IL27RA: variants seen among roughly 807,000 people sequenced by gnomAD.
IL27RA encodes the protein interleukin 27 receptor subunit alpha.
Under a neutral mutation model 80.8 loss-of-function variants are expected in IL27RA, and 61 were observed. The observed-to-expected ratio is 0.76, with a 90% CI of 0.61 to 0.93. IL27RA has a LOEUF of 0.93. Among genes scored for constraint, IL27RA ranks in the 40% least tolerant of loss-of-function variants. The probability of loss-of-function intolerance (pLI) is 0.00; values close to 1 mark genes in which losing one functional copy is unlikely to be tolerated. For synonymous variants in IL27RA, 316 were observed against 332.5 expected (o/e 0.95, Z 0.54); for missense variants, 735 against 808.1 (o/e 0.91, Z 1.10).
At chr19:14,038,490 A>C (rs756437071) in intron 2 of IL27RA, among the ~76,000 whole-genome samples, 9 of 146,582 alleles carry the variant, frequency 6.1e-5, no homozygotes, top group Admixed American at 6.9e-5. Flanking sequence ...AGGCAGGAGG[A>C]TTGCTTGAGC....
At position 14,046,125 on chromosome 19, in the gene IL27RA, A is replaced by G. The variant is rs745741708; in HGVS notation, c.769-29A>G. The G allele has an allele frequency of 1.2e-5, 19 of 1,602,048 alleles. No homozygotes were observed. The South Asian group carries it at 1.8e-4, about 15-fold the overall frequency. ...TATATGTGCGTGATTAATGGGAGACATTAACCCCTTTTTCCCTTCATCTCT... is the reference window on the plus strand; with the variant it reads ...TATATGTGCGTGATTAATGGGAGACGTTAACCCCTTTTTCCCTTCATCTCT... On this transcript the variant is annotated intron_variant, in intron 6 of 13. Transcript: ENST00000263379.
At chr19:14,036,198 T>C (rs983721282) in intron 2 of IL27RA, among the ~76,000 whole-genome samples, 9 of 152,134 alleles carry the variant, frequency 5.9e-5, no homozygotes, top group Admixed American at 5.3e-4. Flanking sequence ...TCTTGCTCTG[T>C]TGCCTAGGGT....
chr19:14,044,068 A>AT (rs1976029514), intron 6 of IL27RA, among the ~76,000 whole-genome samples: 1 of 146,140 alleles, frequency 6.8e-6, no homozygotes, highest in South Asian at 2.2e-4. Flanking sequence ...AAAAAAAAAA[A>AT]GGTATTATAA....
intron 1 of IL27RA, among the ~76,000 whole-genome samples, chr19:14,032,183 G>A (rs1016341354): frequency 6.6e-6 from 1 of 152,206 alleles, no homozygotes; most frequent in Non-Finnish European, 1.5e-5. Flanking sequence ...GGAGCTCTCT[G>A]GGTGGTTAAC....
intron 8 of IL27RA, 41 bp from the exon 9 acceptor site, chr19:14,048,940 G>A: frequency 6.4e-7 from 1 of 1,554,844 alleles, no homozygotes; most frequent in Non-Finnish European, 8.9e-7. Context: ...GCATGGGAAG[G>A]AGAGCCAACT....
In IL27RA at chr19:14,031,827, C is replaced by A; in HGVS notation, c.-46C>A. 1 of 1,491,482 alleles carries A rather than the reference C, an allele frequency of 6.7e-7. No individual in the cohort carries two copies. The allele number at this position is 1,491,482 out of a possible 1,614,324, so 92.4% of individuals were successfully genotyped here. The stretch of plus-strand genomic sequence containing the variant: ...CTCGAAGAGGAGCAGCGCGGCCGCG[C>A]GGACCCGGCAAGGCTGGGCCGGACT... On this transcript the variant is annotated 5_prime_UTR_variant, in exon 1 of 14. Transcript: ENST00000263379.
At chr19:14,050,221 G>T (rs1224511561) in intron 10 of IL27RA, among the ~76,000 whole-genome samples, 2 of 151,964 alleles carry the variant, frequency 1.3e-5, no homozygotes, top group Non-Finnish European at 2.9e-5. Flanking sequence ...GAAGCAAGGG[G>T]CTGGGCAAGG....
rs764398456 is a variant in IL27RA, at chr19:14,052,203, G to A, written c.1824G>A (p.Pro608=). The A allele has an allele frequency of 1.5e-5, 24 of 1,605,864 alleles. No homozygotes were observed. Among genetic ancestry groups the A allele is most frequent in the Middle Eastern group, 1.7e-4 (1 of 5,990 alleles). ...ESSQPAQATA[P]LDSGYEKHFL... is the part of the protein sequence containing the mutation. ...CCCAGCCCGCCCAGGCCACCGCCCC[G>A]CTTGACTCTGGGTATGAGAAGCACT... Residue 608 remains proline, a synonymous_variant, in exon 14 of 14, where the codon CCG becomes CCA. Transcript: ENST00000263379.
At chr19:14,036,018 A>G (rs1166258321) in intron 2 of IL27RA, among the ~76,000 whole-genome samples, 2 of 150,292 alleles carry the variant, frequency 1.3e-5, no homozygotes, top group African/African-American at 2.4e-5. Flanking sequence ...AGGCAGAAGG[A>G]TGGCTTGAGC....
intron 2 of IL27RA, 64 bp from the exon 3 acceptor site, chr19:14,039,444 G>A (rs1375745988): frequency 1.2e-5 from 18 of 1,544,416 alleles, no homozygotes; most frequent in Admixed American, 1.8e-5. Context: ...TTGGCACAAG[G>A]GTGGTTATCA....
At position 14,037,834 on chromosome 19, in the gene IL27RA, C is replaced by CT. The variant is rs1555764856; in HGVS notation, c.219-1659dup. On this transcript the variant is annotated intron_variant, in intron 2 of 13. Coordinates refer to ENST00000263379, the MANE Select transcript of IL27RA (RefSeq NM_004843.4). ...AGTGAGACCCTCTCGCTCTCTCTCT[C>CT]TTTTTTTTTTTTTTTGAAATGGAGT... Among the ~76,000 whole-genome samples the CT allele has an allele frequency of 2.1e-3, 266 of 129,416 alleles. 4 individuals carry two copies. The highest frequency in any genetic ancestry group is 6.8e-3 in the African/African-American group (242 of 35,522). The allele number at this position is 129,416 out of a possible 152,430, so 84.9% of individuals were successfully genotyped here. A position where few individuals can be genotyped will look rare whatever the true frequency, so the allele number is the denominator to read the frequency against.
chr19:14,032,329 C>A, intron 1 of IL27RA, 57 bp from the exon 2 acceptor site: 1 of 1,317,146 alleles, frequency 7.6e-7, no homozygotes, highest in Non-Finnish European at 1.1e-6. Context: ...CTGGGGTGTG[C>A]AGGCGGAAGG....
chr19:14,035,396 C>T (rs1472513479), intron 2 of IL27RA, among the ~76,000 whole-genome samples: 1 of 151,216 alleles, frequency 6.6e-6, no homozygotes, highest in African/African-American at 2.4e-5. Flanking sequence ...AGAAGGGGGC[C>T]TAGTTTTTTT....
In IL27RA at chr19:14,051,666, T is replaced by C; in HGVS notation, c.1588T>C (p.Leu530=). ...CCTATTCTTGTGGGGCTTGTTCCTG[T>C]TGGGGTGTGGCCTGAGCCTGGCCAC... is the stretch of plus-strand genomic sequence containing the variant. ...GILFLWGLFL[L]GCGLSLATSG... The change falls in exon 12 of 14, where the codon TTG becomes CTG. Residue 530 remains leucine, a synonymous_variant. Transcript: ENST00000263379. 6.2e-7 allele frequency: 1 copy of C among 1,613,158 alleles called. No homozygotes were observed.
chr19:14,048,277 TAAA>T (rs1173902098), intron 8 of IL27RA, among the ~76,000 whole-genome samples: 29 of 149,328 alleles, frequency 1.9e-4, no homozygotes, highest in Middle Eastern at 3.4e-3. Flanking sequence ...TATAAATAAA[TAAA>T]TAAATAAATA....
Position 14,051,707 on chromosome 19 carries a change from C to T in IL27RA, c.1622+7C>T. ...GCCTGGCCACCTCTGGAAGGTGAGG[C>T]TGTCGGATACATGCATCTCTACCCA... On this transcript the variant is annotated splice_region_variant and intron_variant, in intron 12 of 13. Coordinates refer to ENST00000263379, the MANE Select transcript of IL27RA (RefSeq NM_004843.4). 14 of 1,588,918 alleles carry T rather than the reference C, an allele frequency of 8.8e-6. No homozygotes were observed. Among genetic ancestry groups the T allele is most frequent in the Non-Finnish European group, 1.2e-5 (14 of 1,162,606 alleles).
In IL27RA at chr19:14,039,492, G is replaced by A. The variant is rs766618260; in HGVS notation, c.219-16G>A. The A allele has an allele frequency of 3.1e-6, 5 of 1,603,904 alleles. No homozygotes were observed. Among genetic ancestry groups the A allele is most frequent in the East Asian group, 2.2e-5 (1 of 44,680 alleles). On this transcript the variant is annotated splice_polypyrimidine_tract_variant and intron_variant, in intron 2 of 13. Coordinates refer to ENST00000263379, the MANE Select transcript of IL27RA (RefSeq NM_004843.4). Reference sequence around the variant, plus strand: ...CTAGCCGAGTGTGCATCTCATCCCCGCCTCTCTCCTCACAGCCGTTCCAAC... The same window carrying A: ...CTAGCCGAGTGTGCATCTCATCCCCACCTCTCTCCTCACAGCCGTTCCAAC...
At position 14,042,563 on chromosome 19, in the gene IL27RA, T is replaced by A. The variant is rs778528882; in HGVS notation, c.645T>A (p.Asp215Glu). 5 of 1,613,874 alleles carry A rather than the reference T, an allele frequency of 3.1e-6. No individual in the cohort carries two copies. In the South Asian group the frequency reaches 5.5e-5, roughly 18 times the overall value. Residue 215 changes from aspartate to glutamate, a missense_variant, in exon 5 of 14, where the codon GAT becomes GAA. Coordinates refer to ENST00000263379, the MANE Select transcript of IL27RA (RefSeq NM_004843.4). The part of the protein sequence containing the change: ...YGRCRMEKEE[D>E]LWGEWSPILS... ...GCTGCCGGATGGAGAAAGAAGAGGA[T>A]TTGTGGGGCGAGTGGAGCCCCATTT...
At chr19:14,044,441 T>G (rs1439326040) in intron 6 of IL27RA, among the ~76,000 whole-genome samples, 1 of 151,966 alleles carries the variant, frequency 6.6e-6, no homozygotes, top group African/African-American at 2.4e-5. Flanking sequence ...GGTTTCACCA[T>G]GTTGGCCAGG....
Sources: allele counts gnomAD v4.1 joint callset (sites outside exome capture counted in the v4.1 genomes callset), GRCh38; gene constraint gnomAD v4.1.1; transcripts MANE v1.5; gene names NCBI Gene and HGNC (gene_info 2026-07-23, HGNC 2026-07-21).